GRB10: variants seen among roughly 807,000 people sequenced by gnomAD.
GRB10 encodes growth factor receptor bound protein 10.
GRB10 carries 20 observed loss-of-function variants against 80.9 expected under a neutral mutation model. That is an observed-to-expected ratio of 0.25 (90% CI 0.17 to 0.36). GRB10 has a LOEUF of 0.36. Ranked by LOEUF, GRB10 falls within the 10% of genes least tolerant of loss-of-function variation. The pLI is 1.00. For missense variants in GRB10, 548 were observed against 747.7 expected, an observed-to-expected ratio of 0.73 and a Z score of 3.12; for synonymous variants, 291 against 291.5, an observed-to-expected ratio of 1.00 and a Z score of 0.02.
At chr7:50,640,930 T>A (rs559005219) in intron 7 of GRB10, among the ~76,000 whole-genome samples, 2 of 152,314 alleles carry the variant, frequency 1.3e-5, no homozygotes, top group African/African-American at 4.8e-5. Flanking sequence ...CCCAGCCCTA[T>A]GGAGCTGAGC....
chr7:50,627,365 A>C (rs1233214305), intron 7 of GRB10, among the ~76,000 whole-genome samples: 1 of 152,138 alleles, frequency 6.6e-6, no homozygotes, highest in Non-Finnish European at 1.5e-5. Context: ...AAAAACAAGC[A>C]AGCAACAACA....
intron 8 of GRB10, among the ~76,000 whole-genome samples, chr7:50,620,365 G>A (rs1406437979): frequency 6.6e-6 from 1 of 152,146 alleles, no homozygotes; most frequent in East Asian, 1.9e-4. Flanking sequence ...CATCTTGGAA[G>A]GAAGGAATGA....
rs1017690612 is a variant in GRB10 at position 50,732,165 on chromosome 7, A to G, written c.51+107T>C. The stretch of plus-strand genomic sequence containing the variant: ...ACCAGCCCCTGCTCCAGCGTGTCCT[A>G]GTGACCTGAGAGCTACAGAAACGAT... On this transcript the variant is annotated intron_variant, in intron 4 of 18. Coordinates refer to ENST00000401949, the MANE Select transcript of GRB10 (RefSeq NM_001350814.2). 9 of 1,128,522 alleles carry G rather than the reference A, an allele frequency of 8.0e-6. No homozygotes were observed. The African/African-American group carries it at 1.4e-4, about 17-fold the overall frequency. 69.9% of individuals were successfully genotyped at this position (1,128,522 alleles called of 1,614,324 possible).
At chr7:50,740,126 A>T (rs1451192693) in intron 3 of GRB10, among the ~76,000 whole-genome samples, 1 of 152,214 alleles carries the variant, frequency 6.6e-6, no homozygotes, top group Non-Finnish European at 1.5e-5. Context: ...TTCCTTAGGA[A>T]ATCTACATTG....
At chr7:50,706,349 C>T (rs2065034565) in intron 4 of GRB10, among the ~76,000 whole-genome samples, 1 of 152,196 alleles carries the variant, frequency 6.6e-6, no homozygotes, top group Non-Finnish European at 1.5e-5. Context: ...AAATAATGAT[C>T]AAATAAACAC....
At chr7:50,752,294 A>G (rs536809517) in intron 3 of GRB10, among the ~76,000 whole-genome samples, 1 of 152,332 alleles carries the variant, frequency 6.6e-6, no homozygotes, top group South Asian at 2.1e-4. Flanking sequence ...ACAGAAGCCA[A>G]AAGTTGAGAG....
At chr7:50,599,287 AAGCT>A (rs1227100576) in intron 17 of GRB10, among the ~76,000 whole-genome samples, 1 of 152,064 alleles carries the variant, frequency 6.6e-6, no homozygotes, top group Non-Finnish European at 1.5e-5. Flanking sequence ...TTTGAGAATA[AAGCT>A]ATGGAAAATG....
intron 7 of GRB10, among the ~76,000 whole-genome samples, chr7:50,629,430 C>T (rs1019970242): frequency 6.6e-6 from 1 of 152,108 alleles, no homozygotes; most frequent in East Asian, 1.9e-4. Flanking sequence ...GCTGGGCTGG[C>T]GAGACCCTGA....
intron 17 of GRB10, among the ~76,000 whole-genome samples, chr7:50,597,667 T>G (rs113122625): frequency 0.025 from 3,774 of 152,326 alleles, 68 homozygotes; most frequent in Non-Finnish European, 0.036. Flanking sequence ...AGGCTCACCC[T>G]GGGAAGTCCC....
chr7:50,735,126 C>T lies in GRB10; in HGVS notation c.-46-2758G>A, dbSNP rs1279222247. ...ATGAGTTCAGCAAAGGTACAGGATA[C>T]AAAGTGAACACGCAAAAACCATTTG... On this transcript the variant is annotated intron_variant, in intron 3 of 18. Transcript: ENST00000401949. Among the ~76,000 whole-genome samples, 4 of 152,106 alleles carry T rather than the reference C, an allele frequency of 2.6e-5. No individual in the cohort carries two copies. In the East Asian group the frequency reaches 7.7e-4, roughly 29 times the overall value.
At position 50,592,686 on chromosome 7, in the gene GRB10, C is replaced by A. The variant is rs2045960548; in HGVS notation, c.*266G>T. The A allele has an allele frequency of 3.8e-6, 2 of 523,690 alleles. No individual in the cohort carries two copies. The highest frequency in any genetic ancestry group is 6.9e-6 in the Non-Finnish European group (2 of 288,272). The allele number at this position is 523,690 out of a possible 1,614,324, so 32.4% of individuals were successfully genotyped here. On this transcript the variant is annotated 3_prime_UTR_variant, in exon 19 of 19. Coordinates refer to ENST00000401949, the MANE Select transcript of GRB10 (RefSeq NM_001350814.2). Reference sequence around the variant, plus strand: ...AGCGGCCCAAGCCAAGATGATCATTCCAGTTTATTTTCAACTTTCCGCTGG... The same window carrying A: ...AGCGGCCCAAGCCAAGATGATCATTACAGTTTATTTTCAACTTTCCGCTGG...
At chr7:50,663,012 T>C (rs1235253178) in intron 7 of GRB10, among the ~76,000 whole-genome samples, 2 of 152,356 alleles carry the variant, frequency 1.3e-5, no homozygotes, top group African/African-American at 4.8e-5. Context: ...ATTCATTACA[T>C]TTTCAGTTAT....
chr7:50,674,527 G>A lies in GRB10; in HGVS notation c.271C>T (p.Arg91Trp), dbSNP rs1265110460. The A allele has an allele frequency of 7.4e-6, 12 of 1,610,970 alleles. No homozygotes were observed. Among genetic ancestry groups the A allele is most frequent in the Middle Eastern group, 1.7e-4 (1 of 6,032 alleles). Residue 91 changes from arginine (R) to tryptophan (W), a missense_variant, in exon 6 of 19, where the codon CGG (arginine) becomes TGG (tryptophan). Transcript: ENST00000401949. Reference protein sequence around the residue: ...QNGQHARSQPRASGPPRSIQP... With the variant: ...QNGQHARSQPWASGPPRSIQP... ...ATGGACCGAGGAGGGCCTGAAGCCC[G>A]AGGCTGGCTGCGGGCATGCTGGCCA...
intron 5 of GRB10, among the ~76,000 whole-genome samples, chr7:50,686,473 T>C (rs2062114664): frequency 6.6e-6 from 1 of 152,176 alleles, no homozygotes; most frequent in East Asian, 1.9e-4. Context: ...ATTTTTAAGA[T>C]AATTATTTTT....
intron 7 of GRB10, among the ~76,000 whole-genome samples, chr7:50,658,650 T>TA (rs2058899778): frequency 6.6e-6 from 1 of 152,198 alleles, no homozygotes; most frequent in Non-Finnish European, 1.5e-5. Flanking sequence ...CAGCTATAGA[T>TA]ATCAAGAGGT....
chr7:50,738,091 T>C (rs1429280706), intron 3 of GRB10, among the ~76,000 whole-genome samples: 2 of 152,178 alleles, frequency 1.3e-5, no homozygotes, highest in Non-Finnish European at 2.9e-5. Context: ...CTCATTAGGC[T>C]GACTGATATA....
At chr7:50,678,846 A>G (rs1179907435) in intron 5 of GRB10, among the ~76,000 whole-genome samples, 1 of 152,186 alleles carries the variant, frequency 6.6e-6, no homozygotes, top group Non-Finnish European at 1.5e-5. Context: ...GTGGATCAAT[A>G]ATCACCCATT....
chr7:50,638,059 G>T (rs1031534958), intron 7 of GRB10, among the ~76,000 whole-genome samples: 1 of 152,122 alleles, frequency 6.6e-6, no homozygotes, highest in Non-Finnish European at 1.5e-5. Context: ...ATAAGCAGAA[G>T]AATGAACCTG....
At chr7:50,693,759 G>A (rs141644007) in intron 5 of GRB10, among the ~76,000 whole-genome samples, 6 of 152,136 alleles carry the variant, frequency 3.9e-5, no homozygotes, top group South Asian at 2.1e-4. Context: ...GGATTGGGGC[G>A]CCCGAGGTAC....
Sources: allele counts gnomAD v4.1 joint callset (sites outside exome capture counted in the v4.1 genomes callset), GRCh38; gene constraint gnomAD v4.1.1; transcripts MANE v1.5; gene names NCBI Gene and HGNC (gene_info 2026-07-23, HGNC 2026-07-21).